Variants in HS2ST1 observed in about 807,000 individuals in gnomAD.
The protein encoded by HS2ST1 is heparan sulfate 2-O-sulfotransferase 1, also known as 2-O-sulfotransferase.
In HS2ST1, 18 loss-of-function variants were observed where a neutral mutation model predicts 42.9. That is an observed-to-expected ratio of 0.42 (90% CI 0.29 to 0.62). The LOEUF (loss-of-function observed/expected upper bound fraction) is 0.62, where lower values mean the gene tolerates loss of function less well. HS2ST1 is among the 20% of genes least tolerant of loss of function. The probability of loss-of-function intolerance (pLI) is 0.21; values close to 1 mark genes in which losing one functional copy is unlikely to be tolerated. For missense variants in HS2ST1, 334 were observed against 433.8 expected (o/e 0.77, Z 2.04); for synonymous variants, 146 against 152.9 (o/e 0.95, Z 0.33).
chr1:87,024,667 A>T (rs1474181330), intron 1 of HS2ST1, among the ~76,000 whole-genome samples: 2 of 152,158 alleles, frequency 1.3e-5, no homozygotes, highest in African/African-American at 4.8e-5. Flanking sequence ...TGCTGTAAGG[A>T]TTGAGAAAAG....
At position 86,914,823 on chromosome 1, in the gene HS2ST1, G is replaced by C; in HGVS notation, c.-214G>C. On this transcript the variant is annotated 5_prime_UTR_variant, in exon 1 of 7. Transcript: ENST00000370550. ...TTTTGGAGGGGGCGGCCGTTTAGTC[G>C]GCTGAGGAGAAGCGGACACCAGCGG... 1 of 590,412 alleles carries C rather than the reference G, an allele frequency of 1.7e-6. No homozygotes were observed. The highest frequency in any genetic ancestry group is 3.0e-6 in the Non-Finnish European group (1 of 338,356). The allele number at this position is 590,412 out of a possible 1,614,324, so 36.6% of individuals were successfully genotyped here. A position where few individuals can be genotyped will look rare whatever the true frequency, so the allele number is the denominator to read the frequency against.
chr1:87,074,760 A>G (rs1008378263), intron 2 of HS2ST1, among the ~76,000 whole-genome samples: 1 of 152,196 alleles, frequency 6.6e-6, no homozygotes, highest in Admixed American at 6.5e-5. Flanking sequence ...AATGACCAAC[A>G]CTTAAAAAAT....
chr1:87,019,383 T>G (rs186749460), intron 1 of HS2ST1, among the ~76,000 whole-genome samples: 2 of 152,354 alleles, frequency 1.3e-5, no homozygotes, highest in East Asian at 3.9e-4. Context: ...TTAAAACTAT[T>G]ACATGCAATG....
At chr1:87,047,065 T>A (rs1650698829) in intron 1 of HS2ST1, among the ~76,000 whole-genome samples, 1 of 152,106 alleles carries the variant, frequency 6.6e-6, no homozygotes, top group South Asian at 2.1e-4. Flanking sequence ...TTGTCTCATT[T>A]TATATTCCCA....
At chr1:87,023,306 C>T (rs1408469182) in intron 1 of HS2ST1, among the ~76,000 whole-genome samples, 3 of 152,012 alleles carry the variant, frequency 2.0e-5, no homozygotes, top group Admixed American at 1.3e-4. Context: ...TTCATTGCAG[C>T]AGTTTTTTTT....
intron 1 of HS2ST1, among the ~76,000 whole-genome samples, chr1:87,062,177 TATTTTC>T (rs1312951712): frequency 1.3e-5 from 2 of 152,172 alleles, no homozygotes; most frequent in African/African-American, 4.8e-5. Context: ...TTGATTTGCT[TATTTTC>T]ATTTTCATTC....
chr1:86,926,405 G>A (rs1188270132), intron 1 of HS2ST1, among the ~76,000 whole-genome samples: 1 of 152,168 alleles, frequency 6.6e-6, no homozygotes, highest in Non-Finnish European at 1.5e-5. Context: ...AATTCAAGGA[G>A]AATGTTGGAT....
chr1:86,999,650 A>G (rs1649218407), intron 1 of HS2ST1, among the ~76,000 whole-genome samples: 1 of 151,778 alleles, frequency 6.6e-6, no homozygotes, highest in Non-Finnish European at 1.5e-5. Flanking sequence ...GACATTTTCC[A>G]TATCCAAAAA....
chr1:87,100,378 G>A (rs144823632), intron 5 of HS2ST1, among the ~76,000 whole-genome samples: 38 of 152,250 alleles, frequency 2.5e-4, no homozygotes, highest in Admixed American at 1.5e-3. Flanking sequence ...TGGAGTGGCC[G>A]GGATGTGGGG....
At chr1:87,089,943 A>G (rs1222436678) in intron 3 of HS2ST1, among the ~76,000 whole-genome samples, 1 of 152,046 alleles carries the variant, frequency 6.6e-6, no homozygotes, top group Non-Finnish European at 1.5e-5. Flanking sequence ...TTCTTCTGCG[A>G]GGAGATTATT....
intron 1 of HS2ST1, among the ~76,000 whole-genome samples, chr1:87,061,905 T>G (rs1651129323): frequency 6.6e-6 from 1 of 152,004 alleles, no homozygotes; most frequent in South Asian, 2.1e-4. Flanking sequence ...TTTGTTATTT[T>G]CCTATTCTTT....
chr1:87,021,647 CG>C (rs1410871930), intron 1 of HS2ST1, among the ~76,000 whole-genome samples: 1 of 152,056 alleles, frequency 6.6e-6, no homozygotes, highest in Non-Finnish European at 1.5e-5. Flanking sequence ...CCTGAGTAGT[CG>C]GAACTACAAG....
intron 1 of HS2ST1, chr1:87,046,068 A>C: frequency 1.5e-6 from 1 of 664,932 alleles, no homozygotes; most frequent in South Asian, 1.4e-5. Flanking sequence ...CTACCATGAC[A>C]GCATCATGAA....
At chr1:87,077,705 C>T (rs1416373330) in intron 2 of HS2ST1, among the ~76,000 whole-genome samples, 1 of 152,076 alleles carries the variant, frequency 6.6e-6, no homozygotes, top group Non-Finnish European at 1.5e-5. Context: ...TAGAATAGTG[C>T]CTGAGACATA....
chr1:87,000,296 T>C (rs916628039), intron 1 of HS2ST1, among the ~76,000 whole-genome samples: 13 of 152,170 alleles, frequency 8.5e-5, no homozygotes, highest in African/African-American at 3.1e-4. Context: ...GAATACTAAC[T>C]TAAAAAACAC....
intron 1 of HS2ST1, among the ~76,000 whole-genome samples, chr1:86,938,148 G>T (rs1271204249): frequency 6.6e-6 from 1 of 151,562 alleles, no homozygotes; most frequent in Non-Finnish European, 1.5e-5. Context: ...AGATTCATTG[G>T]TTGAACATGG....
chr1:87,098,616 C>T (rs959328561), intron 5 of HS2ST1, among the ~76,000 whole-genome samples: 1 of 152,072 alleles, frequency 6.6e-6, no homozygotes, highest in African/African-American at 2.4e-5. Context: ...TATTAGATTG[C>T]TGTGGAGTTT....
At chr1:86,982,640 G>T (rs901918943) in intron 1 of HS2ST1, among the ~76,000 whole-genome samples, 1 of 151,850 alleles carries the variant, frequency 6.6e-6, no homozygotes, top group Non-Finnish European at 1.5e-5. Flanking sequence ...TCAGCCTCCC[G>T]AGTAGCTGGG....
chr1:87,104,456 C>G lies in HS2ST1; in HGVS notation c.845-14C>G, dbSNP rs747470260. 1 of 1,518,998 alleles carries G rather than the reference C, an allele frequency of 6.6e-7. No homozygotes were observed. Among genetic ancestry groups the G allele is most frequent in the African/African-American group, 1.4e-5 (1 of 71,570 alleles). The allele number at this position is 1,518,998 out of a possible 1,614,324, so 94.1% of individuals were successfully genotyped here. ...AATTATTTACCTTTCCTTTTTTTCC[C>G]CCTTTGTAAGTAGGAAAGAAATCTC... On this transcript the variant is annotated splice_polypyrimidine_tract_variant and intron_variant, in intron 6 of 6. Coordinates refer to ENST00000370550, the MANE Select transcript of HS2ST1 (RefSeq NM_012262.4).
Sources: allele counts gnomAD v4.1 joint callset (sites outside exome capture counted in the v4.1 genomes callset), GRCh38; gene constraint gnomAD v4.1.1; transcripts MANE v1.5; gene names NCBI Gene and HGNC (gene_info 2026-07-23, HGNC 2026-07-21).